Variants in TCF4 observed in about 807,000 individuals in gnomAD.
TCF4 encodes the protein SL3-3 enhancer factor 2.
A neutral mutation model predicts 82.1 loss-of-function variants in TCF4; 3 were observed. The observed-to-expected ratio is 0.04, with a 90% confidence interval of 0.02 to 0.09. TCF4 has a LOEUF of 0.09. Among genes scored for constraint, TCF4 ranks in the 10% least tolerant of loss-of-function variants. The pLI is 1.00. For missense variants in TCF4, 518 were observed against 852.7 expected, an observed-to-expected ratio of 0.61 and a Z score of 4.89; for synonymous variants, 276 against 309.6, an observed-to-expected ratio of 0.89 and a Z score of 1.14.
At chr18:55,350,838 T>C in intron 7 of TCF4, 36 bp downstream of exon 7, 1 of 1,612,392 alleles carries the variant, frequency 6.2e-7, no homozygotes, top group Non-Finnish European at 8.5e-7. Flanking sequence ...AAAGGCATAA[T>C]CATCCCTCAG....
chr18:55,362,726 T>C (rs1173768931), intron 6 of TCF4, among the ~76,000 whole-genome samples: 2 of 152,224 alleles, frequency 1.3e-5, no homozygotes, highest in African/African-American at 2.4e-5. Context: ...CTTAGAGTAA[T>C]TGTAGAGCAT....
At chr18:55,398,895 C>T (rs949427505) in intron 6 of TCF4, among the ~76,000 whole-genome samples, 1 of 152,144 alleles carries the variant, frequency 6.6e-6, no homozygotes, top group Admixed American at 6.5e-5. Context: ...TTAAAAAGCA[C>T]GATGAAGACA....
At chr18:55,586,757 G>C (rs2097653460) in intron 2 of TCF4, among the ~76,000 whole-genome samples, 3 of 151,082 alleles carry the variant, frequency 2.0e-5, no homozygotes, top group South Asian at 2.1e-4. Flanking sequence ...TTTTAGGGGT[G>C]TCTATTTTTG....
rs150666512 is a variant in TCF4, at chr18:55,612,898, A to C, written c.286+18400T>G. ...AGGAGGCAGAGGTTGCAGTGAGCCG[A>C]GATCATGCCACTGCACTCCAGCCTG... On this transcript the variant is annotated intron_variant, in intron 2 of 20. Coordinates refer to the TCF4 transcript ENST00000398339. Among the ~76,000 whole-genome samples, 704 of 152,234 alleles carry C rather than the reference A, an allele frequency of 4.6e-3. 4 individuals are homozygous for C. Among genetic ancestry groups the C allele is most frequent in the African/African-American group, 0.016 (656 of 41,550 alleles).
At position 55,450,406 on chromosome 18, in the gene TCF4, T is replaced by C. The variant is rs143707367; in HGVS notation, c.304+10613A>G. 6.0e-4 allele frequency among the ~76,000 whole-genome samples: 92 copies of C among 152,372 alleles called. 1 individual carries two copies. Among genetic ancestry groups the C allele is most frequent in the Middle Eastern group, 3.4e-3 (1 of 294 alleles). On this transcript the variant is annotated intron_variant, in intron 5 of 19. Coordinates refer to ENST00000354452, the MANE Select transcript of TCF4 (RefSeq NM_001083962.2). Reference sequence around the variant, plus strand: ...AGATGAAAAATGTTCGAGCTGTGTCTATTAACCACTTAGAAATAAATTTAA... The same window carrying C: ...AGATGAAAAATGTTCGAGCTGTGTCCATTAACCACTTAGAAATAAATTTAA...
chr18:55,508,559 T>C (rs1034105902), intron 3 of TCF4, among the ~76,000 whole-genome samples: 12 of 152,210 alleles, frequency 7.9e-5, no homozygotes, highest in Non-Finnish European at 1.8e-4. Flanking sequence ...TTAATTCCCA[T>C]AGCCCAATGA....
chr18:55,438,809 G>A (rs777144389), intron 5 of TCF4, among the ~76,000 whole-genome samples: 1 of 152,048 alleles, frequency 6.6e-6, no homozygotes, highest in Non-Finnish European at 1.5e-5. Flanking sequence ...TGTTACAGTA[G>A]TATCTGAAGG....
chr18:55,468,484 G>A (rs1338144527), intron 3 of TCF4, among the ~76,000 whole-genome samples: 5 of 152,150 alleles, frequency 3.3e-5, no homozygotes, highest in South Asian at 4.1e-4. Context: ...TCAACAGTAG[G>A]CACAATGATA....
At chr18:55,548,579 C>A (rs1343132810) in intron 3 of TCF4, among the ~76,000 whole-genome samples, 2 of 152,094 alleles carry the variant, frequency 1.3e-5, no homozygotes, top group Non-Finnish European at 2.9e-5. Flanking sequence ...GATGTGGATA[C>A]ATTCTGAGAA....
chr18:55,479,305 T>C (rs1249824149), intron 3 of TCF4: 2 of 154,118 alleles, frequency 1.3e-5, no homozygotes, highest in Non-Finnish European at 2.9e-5. Flanking sequence ...GGGAAAGTTA[T>C]TTATATGTGG....
At chr18:55,490,031 A>AAACCGTTTG (rs1225271820) in intron 3 of TCF4, among the ~76,000 whole-genome samples, 8 of 152,214 alleles carry the variant, frequency 5.3e-5, no homozygotes, top group South Asian at 2.1e-4. Flanking sequence ...GAAGAATTAG[A>AAACCGTTTG]AAGAACGGTT....
At chr18:55,315,131 G>A (rs571642457) in intron 8 of TCF4, among the ~76,000 whole-genome samples, 2 of 152,198 alleles carry the variant, frequency 1.3e-5, no homozygotes, top group African/African-American at 4.8e-5. Context: ...GCCAGCCAAA[G>A]CCTGCATTTT....
upstream of TCF4, among the ~76,000 whole-genome samples, chr18:55,590,428 T>C (rs1355890411): frequency 6.6e-6 from 1 of 152,232 alleles, no homozygotes; most frequent in Non-Finnish European, 1.5e-5. Context: ...AAGACCTTCA[T>C]CTATTGCTTT....
At chr18:55,491,992 C>G (rs1289311501) in intron 3 of TCF4, among the ~76,000 whole-genome samples, 1 of 152,122 alleles carries the variant, frequency 6.6e-6, no homozygotes, top group African/African-American at 2.4e-5. Context: ...TTTCTATACT[C>G]AGAACTTGTT....
chr18:55,465,114 C>T (rs550542813), intron 3 of TCF4, among the ~76,000 whole-genome samples: 65 of 152,198 alleles, frequency 4.3e-4, no homozygotes, highest in Non-Finnish European at 7.8e-4. Flanking sequence ...ATTTTGATCA[C>T]GGCTGATAAC....
intron 2 of TCF4, among the ~76,000 whole-genome samples, chr18:55,617,751 C>T (rs1435648352): frequency 6.6e-6 from 1 of 151,608 alleles, no homozygotes; most frequent in Non-Finnish European, 1.5e-5. Context: ...TATAGAAACA[C>T]AACCGGCTCT....
chr18:55,238,730 T>C (rs1221243907), intron 15 of TCF4, among the ~76,000 whole-genome samples: 1 of 152,232 alleles, frequency 6.6e-6, no homozygotes, highest in African/African-American at 2.4e-5. Flanking sequence ...TGCTTCTCTC[T>C]GGCTTCTGCC....
chr18:55,257,245 T>A, intron 14 of TCF4, 70 bp downstream of exon 14: 1 of 1,492,770 alleles, frequency 6.7e-7, no homozygotes, highest in Non-Finnish European at 9.3e-7. Flanking sequence ...TCTTGGAGAG[T>A]AAAGGAGACT....
At chr18:55,300,701 G>A (rs903549786) in intron 8 of TCF4, among the ~76,000 whole-genome samples, 2 of 152,092 alleles carry the variant, frequency 1.3e-5, no homozygotes, top group African/African-American at 4.8e-5. Flanking sequence ...AAAAGCACAT[G>A]CAAACAGCAA....
Sources: gnomAD v4.1 joint callset for allele counts (sites outside exome capture counted in the v4.1 genomes callset) on GRCh38, gnomAD v4.1.1 for gene constraint, MANE v1.5 for transcripts, NCBI Gene and HGNC (gene_info 2026-07-23, HGNC 2026-07-21) for gene names.